ADAMTS12: variants seen among roughly 807,000 people sequenced by gnomAD.
ADAMTS12 encodes A disintegrin and metalloproteinase with thrombospondin motifs 12.
Under a neutral mutation model 167.8 loss-of-function variants are expected in ADAMTS12, and 118 were observed. That is an observed-to-expected ratio of 0.70 (90% confidence interval 0.61 to 0.82). The LOEUF is 0.82. Among genes scored for constraint, ADAMTS12 ranks in the 40% least tolerant of loss-of-function variants. The probability of loss-of-function intolerance (pLI) is 0.00; values close to 1 mark genes in which losing one functional copy is unlikely to be tolerated. For synonymous variants in ADAMTS12, 704 were observed against 716.9 expected, an observed-to-expected ratio of 0.98 and a Z score of 0.29; for missense variants, 1,916 against 1,998.8, an observed-to-expected ratio of 0.96 and a Z score of 0.79.
At chr5:33,549,494 T>C in intron 20 of ADAMTS12, 111 bp from the exon 21 acceptor site, 1 of 1,324,356 alleles carries the variant, frequency 7.6e-7, no homozygotes, top group Non-Finnish European at 1.0e-6. Flanking sequence ...AGGGGTTAGG[T>C]CTAGTTCCGG....
intron 3 of ADAMTS12, among the ~76,000 whole-genome samples, chr5:33,743,902 G>C (rs1744691226): frequency 6.6e-6 from 1 of 152,152 alleles, no homozygotes; most frequent in Admixed American, 6.5e-5. Flanking sequence ...TTAGGAGTGA[G>C]GTAAGTTGCA....
In ADAMTS12 at chr5:33,643,803, T is replaced by C. The variant is rs570404984; in HGVS notation, c.1480-333A>G. Among the ~76,000 whole-genome samples the C allele has an allele frequency of 2.6e-5, 4 of 152,344 alleles. No homozygotes were observed. In the East Asian group the frequency reaches 7.7e-4, roughly 29 times the overall value. ...GGGAAAGGTAACTGGTGATCATCTA[T>C]GAAAGGTAAATCTAAACTGTGGCTG... On this transcript the variant is annotated intron_variant, in intron 9 of 23. Transcript: ENST00000504830.
intron 16 of ADAMTS12, among the ~76,000 whole-genome samples, chr5:33,605,482 G>T (rs1157061643): frequency 2.0e-5 from 2 of 98,652 alleles, no homozygotes; most frequent in Non-Finnish European, 4.2e-5. Context: ...AATGACAACT[G>T]GAAAACTTAG....
At chr5:33,596,895 G>C (rs950808899) in intron 16 of ADAMTS12, among the ~76,000 whole-genome samples, 1 of 152,158 alleles carries the variant, frequency 6.6e-6, no homozygotes, top group Non-Finnish European at 1.5e-5. Flanking sequence ...TGATAGCAAG[G>C]ATTGATAATC....
At chr5:33,842,762 A>C (rs895817006) in intron 2 of ADAMTS12, among the ~76,000 whole-genome samples, 2 of 152,208 alleles carry the variant, frequency 1.3e-5, no homozygotes, top group Non-Finnish European at 2.9e-5. Flanking sequence ...AGACCCCTGG[A>C]CACCAGGACA....
chr5:33,526,493 G>GT lies in ADAMTS12; in HGVS notation c.*694dup, dbSNP rs1178204786. ...TCTTCAAACCAGAAGTGTTTTCTGTGTAAGTGACCTAAACCCCTTAGGCTG... is the reference window on the plus strand; with the variant it reads ...TCTTCAAACCAGAAGTGTTTTCTGTGTTAAGTGACCTAAACCCCTTAGGCTG... On this transcript the variant is annotated 3_prime_UTR_variant, in exon 24 of 24. Coordinates refer to ENST00000504830, the MANE Select transcript of ADAMTS12 (RefSeq NM_030955.4). 2 of 152,236 alleles carry GT rather than the reference G, an allele frequency of 1.3e-5. No homozygotes were observed. The highest frequency in any genetic ancestry group is 4.8e-5 in the African/African-American group (2 of 41,466). The allele number at this position is 152,236 out of a possible 1,614,324, so 9.4% of individuals were successfully genotyped here.
intron 23 of ADAMTS12, among the ~76,000 whole-genome samples, chr5:33,528,111 A>G: frequency 6.6e-6 from 1 of 152,142 alleles, no homozygotes; most frequent in Non-Finnish European, 1.5e-5. Context: ...GAATGAAATA[A>G]TGTTTTTTGC....
rs569200499 is a variant in ADAMTS12 at position 33,639,264 on chromosome 5, C to T, written c.1719-1518G>A. Among the ~76,000 whole-genome samples, 16 of 152,224 alleles carry T rather than the reference C, an allele frequency of 1.1e-4. No homozygotes were observed. In the South Asian group the frequency reaches 3.3e-3, roughly 32 times the overall value. On this transcript the variant is annotated intron_variant, in intron 11 of 23. Coordinates refer to ENST00000504830, the MANE Select transcript of ADAMTS12 (RefSeq NM_030955.4). ...ACCAGCATTTATATACTACCATGTG[C>T]TCAACACTGTTCAGGGAGAAGAGAG...
At chr5:33,584,389 T>C (rs1177811299) in intron 18 of ADAMTS12, among the ~76,000 whole-genome samples, 1 of 152,114 alleles carries the variant, frequency 6.6e-6, no homozygotes, top group Non-Finnish European at 1.5e-5. Context: ...TCAAATGTTG[T>C]GCAGGCCCTT....
At chr5:33,588,194 G>A (rs1448098336) in intron 18 of ADAMTS12, among the ~76,000 whole-genome samples, 1 of 152,208 alleles carries the variant, frequency 6.6e-6, no homozygotes, top group Admixed American at 6.5e-5. Flanking sequence ...AGTGTCAAGC[G>A]ACACTCTTTT....
chr5:33,605,611 A>T lies in ADAMTS12; in HGVS notation c.2527+8627T>A, dbSNP rs1738394987. On this transcript the variant is annotated intron_variant, in intron 16 of 23. Transcript: ENST00000504830. ...TCTGAGGAACTCAGAGTTCAGTTTG[A>T]AAGGAAAAAATACTTGAAACATATA... is the stretch of plus-strand genomic sequence containing the variant. Among the ~76,000 whole-genome samples the T allele has an allele frequency of 2.0e-5, 3 of 152,226 alleles. No homozygotes were observed. In the South Asian group the frequency reaches 6.2e-4, roughly 32 times the overall value.
chr5:33,578,355 A>T (rs985477135), intron 18 of ADAMTS12, among the ~76,000 whole-genome samples: 1 of 152,320 alleles, frequency 6.6e-6, no homozygotes, highest in African/African-American at 2.4e-5. Flanking sequence ...CCAGGAACTC[A>T]CTTGAAAGGC....
intron 6 of ADAMTS12, 68 bp downstream of exon 6, chr5:33,661,848 G>C: frequency 6.3e-7 from 1 of 1,598,920 alleles, no homozygotes; most frequent in Admixed American, 1.7e-5. Flanking sequence ...TTGAACACCT[G>C]GTAAGCCTTT....
chr5:33,852,839 C>A (rs1749266940), intron 2 of ADAMTS12, among the ~76,000 whole-genome samples: 1 of 152,182 alleles, frequency 6.6e-6, no homozygotes, highest in African/African-American at 2.4e-5. Flanking sequence ...GGCTTAAAAG[C>A]AAATAACAGG....
At position 33,658,278 on chromosome 5, in the gene ADAMTS12, G is replaced by A. The variant is rs770463039; in HGVS notation, c.1096C>T (p.Leu366Phe). The stretch of plus-strand genomic sequence containing the variant: ...CGGTGAGGCTGACACATTCCTGAAA[G>A]GTGAGACAGGCCCAGGGTCTCGCAG... ...RPCETLGLSHLSGMCQPHRSC... is the reference protein window; with the variant it reads ...RPCETLGLSHFSGMCQPHRSC... Residue 366 changes from leucine to phenylalanine, a missense_variant, in exon 7 of 24, where the codon CTT becomes TTT. Physicochemically the swap from Leu to Phe is conservative, Grantham distance 22 (BLOSUM62 0). Transcript: ENST00000504830. 2 of 1,613,630 alleles carry A rather than the reference G, an allele frequency of 1.2e-6. No homozygotes were observed. The highest frequency in any genetic ancestry group is 2.7e-5 in the African/African-American group (2 of 74,892).
chr5:33,767,473 T>A lies in ADAMTS12; in HGVS notation c.490-15925A>T, dbSNP rs1371871924. Among the ~76,000 whole-genome samples, 3 of 152,236 alleles carry A rather than the reference T, an allele frequency of 2.0e-5. No homozygotes were observed. In the East Asian group the frequency reaches 5.8e-4, roughly 29 times the overall value. ...TTATCCAATCTCTATATTAGCTGTG[T>A]TATTTTTTGTAGCCATATAGAATGT... On this transcript the variant is annotated intron_variant, in intron 2 of 23. Coordinates refer to ENST00000504830, the MANE Select transcript of ADAMTS12 (RefSeq NM_030955.4).
rs557495213 is a variant in ADAMTS12 at position 33,660,791 on chromosome 5, A to T, written c.1040+1125T>A. ...CCCAAGGTGTCTTAGAACCTAATGT[A>T]CCTACTGTCACAGGCTTATGTCAAA... On this transcript the variant is annotated intron_variant, in intron 6 of 23. Transcript: ENST00000504830. 2.2e-3 allele frequency among the ~76,000 whole-genome samples: 342 copies of T among 152,262 alleles called. 1 individual carries two copies. The highest frequency in any genetic ancestry group is 3.8e-3 in the Non-Finnish European group (260 of 68,010).
intron 3 of ADAMTS12, among the ~76,000 whole-genome samples, chr5:33,726,763 A>G (rs1743996198): frequency 6.6e-6 from 1 of 152,070 alleles, no homozygotes; most frequent in Admixed American, 6.5e-5. Context: ...AAGAATTCAA[A>G]TATGCAAGTG....
intron 3 of ADAMTS12, among the ~76,000 whole-genome samples, chr5:33,708,881 C>G (rs1743290370): frequency 6.6e-6 from 1 of 151,884 alleles, no homozygotes; most frequent in Non-Finnish European, 1.5e-5. Flanking sequence ...ACCACCATGG[C>G]ACATGTATAC....
Sources: allele counts gnomAD v4.1 joint callset (sites outside exome capture counted in the v4.1 genomes callset), GRCh38; gene constraint gnomAD v4.1.1; transcripts MANE v1.5; gene names NCBI Gene and HGNC (gene_info 2026-07-23, HGNC 2026-07-21).